CALN1: variants seen among roughly 807,000 people sequenced by gnomAD.
CALN1 encodes calneuron 1.
A neutral mutation model predicts 30.6 loss-of-function variants in CALN1; 17 were observed. That is an observed-to-expected ratio of 0.56 (90% CI 0.38 to 0.83). CALN1 has a LOEUF of 0.83. Ranked by LOEUF, CALN1 falls within the 40% of genes least tolerant of loss-of-function variation. The probability of loss-of-function intolerance (pLI) is 0.00; values close to 1 mark genes in which losing one functional copy is unlikely to be tolerated. For synonymous variants in CALN1, 156 were observed against 131.4 expected (o/e 1.19, Z -1.28); for missense variants, 291 against 354.9 (o/e 0.82, Z 1.45).
chr7:72,012,146 C>T (rs945490317), intron 5 of CALN1, among the ~76,000 whole-genome samples: 2 of 152,214 alleles, frequency 1.3e-5, no homozygotes, highest in African/African-American at 4.8e-5. Flanking sequence ...TTCTCCCCAC[C>T]TACAGCCGCT....
intron 2 of CALN1, among the ~76,000 whole-genome samples, chr7:72,306,762 T>A (rs1799682586): frequency 6.6e-6 from 1 of 152,244 alleles, no homozygotes; most frequent in South Asian, 2.1e-4. Flanking sequence ...ATTTGATTGA[T>A]GTCTCATCCC....
intron 5 of CALN1, among the ~76,000 whole-genome samples, chr7:71,959,488 G>A (rs1000605016): frequency 1.3e-5 from 2 of 152,176 alleles, no homozygotes; most frequent in Admixed American, 6.6e-5. Flanking sequence ...AAACGACTAT[G>A]TTCCTTTCCC....
At chr7:71,999,554 C>T (rs1345768125) in intron 5 of CALN1, among the ~76,000 whole-genome samples, 1 of 151,796 alleles carries the variant, frequency 6.6e-6, no homozygotes, top group African/African-American at 2.4e-5. Context: ...CACTCTGTCA[C>T]CCAGGCTGGA....
intron 2 of CALN1, among the ~76,000 whole-genome samples, chr7:72,317,996 G>C (rs1180424365): frequency 6.6e-6 from 1 of 152,174 alleles, no homozygotes; most frequent in East Asian, 1.9e-4. Flanking sequence ...TTGCAAAACA[G>C]TATGGGACCT....
chr7:72,133,915 A>C (rs1809331936), intron 3 of CALN1, among the ~76,000 whole-genome samples: 1 of 152,236 alleles, frequency 6.6e-6, no homozygotes, highest in African/African-American at 2.4e-5. Flanking sequence ...CAAGTGGTGA[A>C]AGTGAAAAGC....
intron 3 of CALN1, among the ~76,000 whole-genome samples, chr7:72,193,711 T>C (rs982199789): frequency 1.3e-5 from 2 of 152,110 alleles, no homozygotes; most frequent in Non-Finnish European, 2.9e-5. Flanking sequence ...TCTAAACATA[T>C]AAAAGGTTCA....
At chr7:72,430,247 T>A (rs1807932896) in intron 1 of CALN1, among the ~76,000 whole-genome samples, 1 of 148,142 alleles carries the variant, frequency 6.8e-6, no homozygotes, top group South Asian at 2.1e-4. Flanking sequence ...CACATAATAA[T>A]TATAAATTTA....
intron 5 of CALN1, among the ~76,000 whole-genome samples, chr7:71,915,355 C>G (rs896784083): frequency 1.3e-5 from 2 of 152,192 alleles, no homozygotes; most frequent in Non-Finnish European, 2.9e-5. Context: ...TTTCTTCTTT[C>G]TCACTTCTTC....
At chr7:72,481,667 C>T in the CALN1 span, among the ~76,000 whole-genome samples, 1 of 152,090 alleles carries the variant, frequency 6.6e-6, no homozygotes, top group South Asian at 2.1e-4. Context: ...TTTTGATTTT[C>T]ATTCAATTCT....
At chr7:72,041,133 A>G (rs1002361972) in intron 4 of CALN1, among the ~76,000 whole-genome samples, 14 of 152,176 alleles carry the variant, frequency 9.2e-5, no homozygotes, top group South Asian at 2.1e-4. Flanking sequence ...TGCACTCTAC[A>G]TAAGAGGCAG....
chr7:72,392,473 A>C (rs566113776), intron 2 of CALN1, among the ~76,000 whole-genome samples: 1 of 152,226 alleles, frequency 6.6e-6, no homozygotes, highest in Non-Finnish European at 1.5e-5. Flanking sequence ...GATGGGAGAG[A>C]CTGAGGAAGG....
chr7:71,781,869 G>A lies in CALN1; in HGVS notation c.*5906C>T, dbSNP rs939956577. On this transcript the variant is annotated 3_prime_UTR_variant, in exon 7 of 7. Coordinates refer to ENST00000395275, the MANE Select transcript of CALN1 (RefSeq NM_031468.4). ...CCGGGCAAGCTTTTCCACTTTCAGAGGACTGTCTTGTGGGTGGGACTGGAA... is the reference window on the plus strand; with the variant it reads ...CCGGGCAAGCTTTTCCACTTTCAGAAGACTGTCTTGTGGGTGGGACTGGAA... The A allele has an allele frequency of 1.3e-5, 2 of 152,138 alleles. No homozygotes were observed. Among genetic ancestry groups the A allele is most frequent in the Non-Finnish European group, 2.9e-5 (2 of 68,030 alleles). 9.4% of individuals were successfully genotyped at this position (152,138 alleles called of 1,614,324 possible).
chr7:72,114,655 G>A (rs1584971215), intron 3 of CALN1, among the ~76,000 whole-genome samples: 1 of 152,252 alleles, frequency 6.6e-6, no homozygotes, highest in Middle Eastern at 3.4e-3. Context: ...GAAACATAGA[G>A]GTGAAAGGGA....
intron 5 of CALN1, among the ~76,000 whole-genome samples, chr7:71,884,133 T>C (rs1792752556): frequency 1.3e-5 from 2 of 152,160 alleles, no homozygotes; most frequent in African/African-American, 4.8e-5. Flanking sequence ...CAGGATGGTC[T>C]TGATCTCCTG....
At chr7:71,936,232 C>T (rs1332786390) in intron 5 of CALN1, among the ~76,000 whole-genome samples, 3 of 152,008 alleles carry the variant, frequency 2.0e-5, no homozygotes. Flanking sequence ...GGCGCGGTGG[C>T]TCACGCCTGC....
intron 6 of CALN1, among the ~76,000 whole-genome samples, chr7:71,795,814 CTTTT>C (rs55667543): frequency 2.0e-5 from 2 of 98,588 alleles, no homozygotes; most frequent in Admixed American, 1.2e-4. Flanking sequence ...GTACTTCATT[CTTTT>C]TTTTTTTTTT....
At chr7:72,237,734 CAGAG>C (rs1483288171) in intron 3 of CALN1, among the ~76,000 whole-genome samples, 2 of 152,138 alleles carry the variant, frequency 1.3e-5, no homozygotes, top group Admixed American at 1.3e-4. Context: ...AAAAGCAAGA[CAGAG>C]AGAAACCCTT....
At chr7:72,313,781 C>T (rs1378002806) in intron 2 of CALN1, among the ~76,000 whole-genome samples, 2 of 152,106 alleles carry the variant, frequency 1.3e-5, no homozygotes, top group Non-Finnish European at 2.9e-5. Flanking sequence ...CCTCTCTTTA[C>T]CTAAACACTG....
chr7:72,401,579 G>A (rs765021866), intron 2 of CALN1, among the ~76,000 whole-genome samples: 3 of 152,152 alleles, frequency 2.0e-5, no homozygotes, highest in Non-Finnish European at 2.9e-5. Flanking sequence ...AGCCCCAAAG[G>A]AGAAGCACAT....
Sources: allele counts gnomAD v4.1 joint callset (sites outside exome capture counted in the v4.1 genomes callset), GRCh38; gene constraint gnomAD v4.1.1; transcripts MANE v1.5; gene names NCBI Gene and HGNC (gene_info 2026-07-23, HGNC 2026-07-21).